XKR9: variants seen among roughly 807,000 people sequenced by gnomAD.
XKR9 encodes XK-related protein 9.
In XKR9, 32 loss-of-function variants were observed where a neutral mutation model predicts 32.0. That is an observed-to-expected ratio of 1.00 (90% confidence interval 0.76 to 1.34). The LOEUF is 1.34. XKR9 is among the 40% of genes most tolerant of loss of function. XKR9 has a pLI of 0.00. For synonymous variants in XKR9, 168 were observed against 143.4 expected, an observed-to-expected ratio of 1.17 and a Z score of -1.22; for missense variants, 546 against 429.7, an observed-to-expected ratio of 1.27 and a Z score of -2.39.
At chr8:70,738,519 A>C (rs932046580), downstream of XKR9, among the ~76,000 whole-genome samples, 10 of 149,208 alleles carry the variant, frequency 6.7e-5, no homozygotes, top group African/African-American at 2.2e-4. Context: ...TACCTTTTGA[A>C]TGTGTTTGCC....
chr8:70,933,661 A>G, the XKR9 span, among the ~76,000 whole-genome samples: 2 of 152,044 alleles, frequency 1.3e-5, no homozygotes, highest in Non-Finnish European at 2.9e-5. Context: ...GAGGGTGCTT[A>G]TGAAAAATGA....
At chr8:70,710,561 G>C (rs1805879232) in intron 4 of XKR9, among the ~76,000 whole-genome samples, 1 of 152,044 alleles carries the variant, frequency 6.6e-6, no homozygotes, top group South Asian at 2.1e-4. Flanking sequence ...CAATTAGCTG[G>C]GTGTGGTGGC....
chr8:70,776,943 C>CTA (rs1458131849), intron 2 of XKR9, among the ~76,000 whole-genome samples: 215 of 38,300 alleles, frequency 5.6e-3, no homozygotes, highest in Middle Eastern at 9.8e-3. Flanking sequence ...CTCTCTCTCT[C>CTA]TCTCTATATA....
the XKR9 span, among the ~76,000 whole-genome samples, chr8:70,985,784 A>T: frequency 1.2e-4 from 18 of 152,006 alleles, no homozygotes; most frequent in African/African-American, 4.1e-4. Context: ...CAATCATTTT[A>T]TTCCTTTGCT....
chr8:70,791,117 C>G (rs1807758781), downstream of XKR9, among the ~76,000 whole-genome samples: 1 of 152,024 alleles, frequency 6.6e-6, no homozygotes. Context: ...GCCATAGCAA[C>G]AGCAGTAAGG....
chr8:70,808,048 T>G, the XKR9 span, among the ~76,000 whole-genome samples: 1 of 151,982 alleles, frequency 6.6e-6, no homozygotes, highest in Admixed American at 6.6e-5. Flanking sequence ...AAAAAACCTC[T>G]AAAATCATAA....
Position 70,725,581 on chromosome 8 carries a change from CTT to C in XKR9, c.494-8212_494-8211del. Among the ~76,000 whole-genome samples, 3 of 152,168 alleles carry C rather than the reference CTT, an allele frequency of 2.0e-5. 1 individual carries two copies. In the East Asian group the frequency reaches 5.8e-4, roughly 29 times the overall value. ...TTATATACTCTGTAGAACTTTTTGA[CTT>C]TTAAAAAACGATGTACGAGAGGACT... On this transcript the variant is annotated intron_variant, in intron 4 of 4. Coordinates refer to ENST00000408926, the MANE Select transcript of XKR9 (RefSeq NM_001011720.2).
chr8:70,742,703 A>C (rs2130166685), intron 2 of XKR9, among the ~76,000 whole-genome samples: 1 of 151,980 alleles, frequency 6.6e-6, no homozygotes, highest in South Asian at 2.1e-4. Context: ...TCCTTCCTTT[A>C]AGTGTTTTAA....
chr8:70,978,525 T>C, the XKR9 span, among the ~76,000 whole-genome samples: 1 of 152,202 alleles, frequency 6.6e-6, no homozygotes, highest in Non-Finnish European at 1.5e-5. Context: ...AAATTCTGGG[T>C]TGAAAATTCT....
chr8:70,837,808 C>A, the XKR9 span, among the ~76,000 whole-genome samples: 1 of 151,970 alleles, frequency 6.6e-6, no homozygotes, highest in Non-Finnish European at 1.5e-5. Context: ...AATGTGCATT[C>A]CTTCTCTCTG....
chr8:70,984,138 C>T, the XKR9 span, among the ~76,000 whole-genome samples: 2 of 152,174 alleles, frequency 1.3e-5, no homozygotes, highest in African/African-American at 2.4e-5. Context: ...TGGGTGTTCA[C>T]GAGTCTGGAA....
the XKR9 span, among the ~76,000 whole-genome samples, chr8:70,810,749 A>G: frequency 6.6e-6 from 1 of 152,244 alleles, no homozygotes. Context: ...ACTATCCTAA[A>G]TATATGTGCA....
intron 4 of XKR9, among the ~76,000 whole-genome samples, chr8:70,718,630 G>C (rs575353502): frequency 3.6e-4 from 55 of 152,116 alleles, no homozygotes; most frequent in Non-Finnish European, 5.7e-4. Flanking sequence ...CTTCATCCAT[G>C]TCCCTGCAAA....
At chr8:70,873,779 G>C in the XKR9 span, among the ~76,000 whole-genome samples, 3 of 152,204 alleles carry the variant, frequency 2.0e-5, no homozygotes, top group Non-Finnish European at 4.4e-5. Context: ...ACTCACAGCA[G>C]AGTTTGAGAG....
At chr8:70,949,532 A>G in the XKR9 span, among the ~76,000 whole-genome samples, 1 of 152,112 alleles carries the variant, frequency 6.6e-6, no homozygotes, top group Non-Finnish European at 1.5e-5. Flanking sequence ...GTGAACAGCT[A>G]AATACCAAAG....
At chr8:71,003,301 T>TGG in the XKR9 span, among the ~76,000 whole-genome samples, 53 of 151,814 alleles carry the variant, frequency 3.5e-4, no homozygotes, top group Admixed American at 3.4e-3. Flanking sequence ...TGCAAATGAG[T>TGG]GGGGGGAAAA....
At chr8:71,026,336 C>T in the XKR9 span, among the ~76,000 whole-genome samples, 1 of 152,154 alleles carries the variant, frequency 6.6e-6, no homozygotes, top group African/African-American at 2.4e-5. Flanking sequence ...TGAAATCAAT[C>T]TGTTTTTCCA....
At chr8:70,889,006 T>C in the XKR9 span, among the ~76,000 whole-genome samples, 1 of 152,010 alleles carries the variant, frequency 6.6e-6, no homozygotes. Flanking sequence ...GGTATTTGCA[T>C]AGGTATTGCA....
the XKR9 span, among the ~76,000 whole-genome samples, chr8:71,013,975 GA>G: frequency 1.3e-5 from 2 of 152,060 alleles, no homozygotes; most frequent in East Asian, 3.9e-4. Flanking sequence ...CAGGTCTAGA[GA>G]TAGACCTGCC....
Sources: allele counts gnomAD v4.1 joint callset (sites outside exome capture counted in the v4.1 genomes callset), GRCh38; gene constraint gnomAD v4.1.1; transcripts MANE v1.5; gene names NCBI Gene and HGNC (gene_info 2026-07-23, HGNC 2026-07-21).